KLHL33: variants seen among roughly 807,000 people sequenced by gnomAD.
The protein encoded by KLHL33 is kelch like family member 33, also known as kelch-like protein 33.
KLHL33 carries 46 observed loss-of-function variants against 60.8 expected under a neutral mutation model. The ratio of observed to expected loss-of-function variants is 0.76; its 90% CI spans 0.60 to 0.97. KLHL33 has a LOEUF of 0.97. Among genes scored for constraint, KLHL33 ranks in the 50% least tolerant of loss-of-function variants. The pLI, the probability that KLHL33 is intolerant of heterozygous loss-of-function variation, is 0.00. For synonymous variants in KLHL33, 434 were observed against 432.2 expected (o/e 1.00, Z -0.05); for missense variants, 1,055 against 1,000.0 (o/e 1.05, Z -0.74).
Position 20,428,626 on chromosome 14 carries a change from A to C in KLHL33, c.*223T>G. 1 of 533,338 alleles carries C rather than the reference A, an allele frequency of 1.9e-6. No individual in the cohort carries two copies. Among genetic ancestry groups the C allele is most frequent in the Non-Finnish European group, 3.3e-6 (1 of 300,328 alleles). 33.0% of individuals were successfully genotyped at this position (533,338 alleles called of 1,614,324 possible). On this transcript the variant is annotated 3_prime_UTR_variant, in exon 5 of 5. Coordinates refer to ENST00000636854, the MANE Select transcript of KLHL33 (RefSeq NM_001365790.2). ...AGTTGCTCCCGAGTCTCCTTTCCTCACCTGGGTATTCAGCTGCCTCCCCTT... is the reference window on the plus strand; with the variant it reads ...AGTTGCTCCCGAGTCTCCTTTCCTCCCCTGGGTATTCAGCTGCCTCCCCTT...
intron 2 of KLHL33, among the ~76,000 whole-genome samples, chr14:20,431,484 T>C (rs1471663575): frequency 8.0e-6 from 1 of 124,608 alleles, no homozygotes; most frequent in Non-Finnish European, 1.8e-5. Flanking sequence ...CCCAGCACTT[T>C]GGGAGGCTGA....
rs1027698834 is a variant in KLHL33 at position 20,427,727 on chromosome 14, G to C, written c.*1122C>G. On this transcript the variant is annotated 3_prime_UTR_variant, in exon 5 of 5. Transcript: ENST00000636854. Reference sequence around the variant, plus strand: ...AGCTCTCTGACCTCTGTATCTTGGTGCCTCCTACAGTGCCTGCCACACAGT... The same window carrying C: ...AGCTCTCTGACCTCTGTATCTTGGTCCCTCCTACAGTGCCTGCCACACAGT... The C allele has an allele frequency of 6.6e-6, 1 of 152,096 alleles. No individual in the cohort carries two copies. Among genetic ancestry groups the C allele is most frequent in the Non-Finnish European group, 1.5e-5 (1 of 68,032 alleles). 9.4% of individuals were successfully genotyped at this position (152,096 alleles called of 1,614,324 possible). A position where few individuals can be genotyped will look rare whatever the true frequency, so the allele number is the denominator to read the frequency against.
At chr14:20,434,542 G>GACAAA (rs1880620745) in intron 2 of KLHL33, among the ~76,000 whole-genome samples, 1 of 141,910 alleles carries the variant, frequency 7.0e-6, no homozygotes, top group Non-Finnish European at 1.5e-5. Context: ...TGCTGTCTCA[G>GACAAA]AAAAAAAAAA....
rs1183168988 is a variant in KLHL33 at position 20,430,018 on chromosome 14, T to C, written c.1450A>G (p.Arg484Gly). The part of the protein sequence containing the change: ...ALVVIGGDGL[R>G]PDMALRQPSR... ...GGTTGTCTTAGGGCCATGTCTGGTC[T>C]GAGCCCATCCCCGCCAATCACTACC... is the stretch of plus-strand genomic sequence containing the variant. The change falls in exon 3 of 5, where the codon AGA becomes GGA. Residue 484 changes from arginine to glycine, a missense_variant. Transcript: ENST00000636854. 1.2e-5 allele frequency: 19 copies of C among 1,551,618 alleles called. No homozygotes were observed. The highest frequency in any genetic ancestry group is 1.6e-5 in the Non-Finnish European group (18 of 1,147,004).
chr14:20,430,677 G>A lies in KLHL33; in HGVS notation c.791C>T (p.Ala264Val), dbSNP rs1265604794. The A allele has an allele frequency of 7.8e-6, 12 of 1,533,198 alleles. No homozygotes were observed. Among genetic ancestry groups the A allele is most frequent in the South Asian group, 1.2e-5 (1 of 83,706 alleles). 95.0% of individuals were successfully genotyped at this position (1,533,198 alleles called of 1,614,324 possible). The change falls in exon 3 of 5, where the codon GCC becomes GTC. Residue 264 changes from alanine (A) to valine (V), a missense_variant. Coordinates refer to ENST00000636854, the MANE Select transcript of KLHL33 (RefSeq NM_001365790.2). ...ALACGSEFFG[A>V]MLLSGMRESQ... ...TTCCCTCATCCCGCTCAGGAGCATG[G>A]CCCCAAAGAACTCACTGCCACAGGC...
intron 2 of KLHL33, among the ~76,000 whole-genome samples, chr14:20,431,713 G>A (rs1022793060): frequency 1.1e-4 from 17 of 152,182 alleles, no homozygotes; most frequent in Middle Eastern, 3.2e-3. Context: ...GTGACAGAGC[G>A]AGACTCCATC....
intron 2 of KLHL33, among the ~76,000 whole-genome samples, chr14:20,432,313 A>G (rs891619757): frequency 2.6e-5 from 4 of 151,984 alleles, no homozygotes; most frequent in African/African-American, 9.7e-5. Context: ...CGGTTTCGCC[A>G]TGTTGGACAG....
In KLHL33 at chr14:20,430,654, C is replaced by T. The variant is rs576623303; in HGVS notation, c.814G>A (p.Glu272Lys). The T allele has an allele frequency of 1.3e-6, 2 of 1,535,306 alleles. No individual in the cohort carries two copies. Among genetic ancestry groups the T allele is most frequent in the African/African-American group, 1.4e-5 (1 of 73,126 alleles). ...FGAMLLSGMR[E>K]SQGTEVSLRT... ...AGAGATACCTCTGTGCCCTGGGATT[C>T]CCTCATCCCGCTCAGGAGCATGGCC... Residue 272 changes from glutamate to lysine, a missense_variant, in exon 3 of 5, where the codon GAA becomes AAA. By Grantham distance (56) the Glu-to-Lys change is moderately conservative (BLOSUM62 1). Transcript: ENST00000636854.
rs1880645339 is a variant in KLHL33, at chr14:20,435,181, C to T, written c.631G>A (p.Val211Ile). 8.1e-7 allele frequency: 1 copy of T among 1,234,440 alleles called. No individual in the cohort carries two copies. Among genetic ancestry groups the T allele is most frequent in the Non-Finnish European group, 1.0e-6 (1 of 988,190 alleles). 76.5% of individuals were successfully genotyped at this position (1,234,440 alleles called of 1,614,324 possible). A position where few individuals can be genotyped will look rare whatever the true frequency, so the allele number is the denominator to read the frequency against. The change falls in exon 2 of 5, where the codon GTA becomes ATA. Residue 211 changes from valine (V) to isoleucine (I), a missense_variant. Physicochemically the swap from Val to Ile is conservative, Grantham distance 29. Coordinates refer to ENST00000636854, the MANE Select transcript of KLHL33 (RefSeq NM_001365790.2). ...TCCTCTGCCTGGCTGGGCTTCTTTA[C>T]ATCTTCCCTGGCATTTCCAGCCCTC... is the stretch of plus-strand genomic sequence containing the variant. ...CERAGNARED[V>I]KKPSQAEELR...
intron 2 of KLHL33, among the ~76,000 whole-genome samples, chr14:20,432,319 GACAGGC>G (rs1174111685): frequency 6.6e-6 from 1 of 151,932 alleles, no homozygotes; most frequent in East Asian, 1.9e-4. Flanking sequence ...CGCCATGTTG[GACAGGC>G]TAACCTTGAA....
At position 20,428,817 on chromosome 14, in the gene KLHL33, C is replaced by G; in HGVS notation, c.*32G>C. 2 of 1,507,806 alleles carry G rather than the reference C, an allele frequency of 1.3e-6. No individual in the cohort carries two copies. Among genetic ancestry groups the G allele is most frequent in the South Asian group, 2.5e-5 (2 of 80,758 alleles). 93.4% of individuals were successfully genotyped at this position (1,507,806 alleles called of 1,614,324 possible). On this transcript the variant is annotated 3_prime_UTR_variant, in exon 5 of 5. Coordinates refer to ENST00000636854, the MANE Select transcript of KLHL33 (RefSeq NM_001365790.2). ...TCCTTCTCTCAGGCTATTTCTTATG[C>G]CCTCCTCTCCCCATACACTGTTGCT...
Position 20,429,231 on chromosome 14 carries a change from G to T in KLHL33, c.2012C>A (p.Pro671His). The T allele has an allele frequency of 1.3e-6, 2 of 1,551,746 alleles. No homozygotes were observed. Among genetic ancestry groups the T allele is most frequent in the South Asian group, 2.4e-5 (2 of 84,066 alleles). ...TGCAGCCATGACATGGCCAGCCCGA[G>T]GTACCCCCATAGGGCTCAGAAACGT... ...PGTFLSPMGV[P>H]RAGHVMAALG... Residue 671 changes from proline (P) to histidine (H), a missense_variant, in exon 5 of 5, where the codon CCT becomes CAT. Transcript: ENST00000636854.
In KLHL33 at chr14:20,428,742, A is replaced by C; in HGVS notation, c.*107T>G. On this transcript the variant is annotated 3_prime_UTR_variant, in exon 5 of 5. Transcript: ENST00000636854. Reference sequence around the variant, plus strand: ...AGCAGTTTACAATGCACAGTGTGAGAATAAAATACTACCAAGAATAAAGCC... The same window carrying C: ...AGCAGTTTACAATGCACAGTGTGAGCATAAAATACTACCAAGAATAAAGCC... The C allele has an allele frequency of 1.0e-6, 1 of 1,000,088 alleles. No individual in the cohort carries two copies. The highest frequency in any genetic ancestry group is 1.7e-5 in the South Asian group (1 of 59,340). 62.0% of individuals were successfully genotyped at this position (1,000,088 alleles called of 1,614,324 possible). A position where few individuals can be genotyped will look rare whatever the true frequency, so the allele number is the denominator to read the frequency against.
At position 20,430,171 on chromosome 14, in the gene KLHL33, T is replaced by G. The variant is rs1050354065; in HGVS notation, c.1297A>C (p.Thr433Pro). ...LRCVRFGRMS[T>P]RELRRVRAAG... ...GCCCGCACCCTCCGCAACTCCCTGG[T>G]GGACATGCGGCCAAAGCGGACACAT... The change falls in exon 3 of 5, where the codon ACC (threonine) becomes CCC (proline). Residue 433 changes from threonine (T) to proline (P), a missense_variant. Physicochemically the swap from Thr to Pro is conservative, Grantham distance 38. Coordinates refer to ENST00000636854, the MANE Select transcript of KLHL33 (RefSeq NM_001365790.2). 2.1e-5 allele frequency: 32 copies of G among 1,551,488 alleles called. No individual in the cohort carries two copies. Among genetic ancestry groups the G allele is most frequent in the East Asian group, 1.2e-4 (5 of 40,896 alleles).
chr14:20,430,675 T>C lies in KLHL33; in HGVS notation c.793A>G (p.Met265Val), dbSNP rs1222564072. Residue 265 changes from methionine to valine, a missense_variant, in exon 3 of 5, where the codon ATG becomes GTG. Met to Val is a conservative substitution (Grantham distance 21). Coordinates refer to ENST00000636854, the MANE Select transcript of KLHL33 (RefSeq NM_001365790.2). ...GATTCCCTCATCCCGCTCAGGAGCA[T>C]GGCCCCAAAGAACTCACTGCCACAG... ...LACGSEFFGA[M>V]LLSGMRESQG... 2.6e-6 allele frequency: 4 copies of C among 1,533,552 alleles called. No homozygotes were observed. Among genetic ancestry groups the C allele is most frequent in the Non-Finnish European group, 3.5e-6 (4 of 1,145,914 alleles). 95.0% of individuals were successfully genotyped at this position (1,533,552 alleles called of 1,614,324 possible).
chr14:20,432,569 T>G (rs939449950), intron 2 of KLHL33, among the ~76,000 whole-genome samples: 2 of 151,992 alleles, frequency 1.3e-5, no homozygotes, highest in African/African-American at 2.4e-5. Context: ...TTGAACAAAC[T>G]CACTTTAAAA....
Position 20,428,847 on chromosome 14 carries a change from C to T in KLHL33, c.*2G>A. On this transcript the variant is annotated 3_prime_UTR_variant, in exon 5 of 5. Coordinates refer to ENST00000636854, the MANE Select transcript of KLHL33 (RefSeq NM_001365790.2). ...CTCTCCCCATACACTGTTGCTCCCT[C>T]TTCACCCAGCAGGTTTGGTTTGGTG... 7.1e-6 allele frequency: 11 copies of T among 1,548,800 alleles called. No homozygotes were observed. Among genetic ancestry groups the T allele is most frequent in the Non-Finnish European group, 8.7e-6 (10 of 1,144,820 alleles).
At chr14:20,433,427 C>CA (rs1880585411) in intron 2 of KLHL33, among the ~76,000 whole-genome samples, 1 of 152,208 alleles carries the variant, frequency 6.6e-6, no homozygotes, top group South Asian at 2.1e-4. Context: ...TTTCCACTGT[C>CA]TTTTAAGCAG....
In KLHL33 at chr14:20,430,264, C is replaced by A; in HGVS notation, c.1204G>T (p.Val402Leu). The A allele has an allele frequency of 6.4e-7, 1 of 1,551,752 alleles. No individual in the cohort carries two copies. Among genetic ancestry groups the A allele is most frequent in the Non-Finnish European group, 8.7e-7 (1 of 1,147,002 alleles). Residue 402 changes from valine to leucine, a missense_variant, in exon 3 of 5, where the codon GTG (valine) becomes TTG (leucine). Physicochemically the swap from Val to Leu is conservative, Grantham distance 32 (BLOSUM62 1). Transcript: ENST00000636854. Reference sequence around the variant, plus strand: ...GCAGCCAGCCAACACCGTGCAGCCACAAAGGCCTCAAACTCCTCCTGCACA... The same window carrying A: ...GCAGCCAGCCAACACCGTGCAGCCAAAAAGGCCTCAAACTCCTCCTGCACA... ...LHVQEEFEAF[V>L]AARCWLAANP...
Sources: allele counts gnomAD v4.1 joint callset (sites outside exome capture counted in the v4.1 genomes callset), GRCh38; gene constraint gnomAD v4.1.1; transcripts MANE v1.5; gene names NCBI Gene and HGNC (gene_info 2026-07-23, HGNC 2026-07-21).